KCNH8: variants seen among roughly 807,000 people sequenced by gnomAD.
The protein encoded by KCNH8 is voltage-gated delayed rectifier potassium channel KCNH8.
A neutral mutation model predicts 103.6 loss-of-function variants in KCNH8; 70 were observed. That is an observed-to-expected ratio of 0.68 (90% CI 0.56 to 0.82). The LOEUF (loss-of-function observed/expected upper bound fraction) is 0.82. Among genes scored for constraint, KCNH8 ranks in the 40% least tolerant of loss-of-function variants. The probability of loss-of-function intolerance (pLI) is 0.00; values close to 1 mark genes in which losing one functional copy is unlikely to be tolerated. For synonymous variants in KCNH8, 498 were observed against 489.4 expected, an observed-to-expected ratio of 1.02 and a Z score of -0.23; for missense variants, 1,217 against 1,329.9, an observed-to-expected ratio of 0.92 and a Z score of 1.32.
At chr3:19,309,265 G>A (rs1244289745) in intron 3 of KCNH8, among the ~76,000 whole-genome samples, 1 of 151,882 alleles carries the variant, frequency 6.6e-6, no homozygotes, top group African/African-American at 2.4e-5. Context: ...AAGAAGAGAG[G>A]GATGTTCCCT....
chr3:19,499,984 C>A (rs2068538884), intron 11 of KCNH8, among the ~76,000 whole-genome samples: 1 of 152,102 alleles, frequency 6.6e-6, no homozygotes, highest in African/African-American at 2.4e-5. Context: ...AATTAAAAGA[C>A]ACAGACTGGC....
At chr3:19,226,401 G>GGCAT (rs1395816767) in intron 1 of KCNH8, among the ~76,000 whole-genome samples, 1 of 152,022 alleles carries the variant, frequency 6.6e-6, no homozygotes, top group Non-Finnish European at 1.5e-5. Context: ...ACATTACAAG[G>GGCAT]GCATGCTTGA....
intron 5 of KCNH8, among the ~76,000 whole-genome samples, chr3:19,378,835 G>T (rs1343319090): frequency 1.3e-5 from 2 of 152,100 alleles, no homozygotes; most frequent in African/African-American, 2.4e-5. Context: ...TAATATCAAC[G>T]TAAAAAATTC....
chr3:19,191,905 A>G (rs900117215), intron 1 of KCNH8, among the ~76,000 whole-genome samples: 5 of 151,528 alleles, frequency 3.3e-5, no homozygotes, highest in Admixed American at 6.6e-5. Context: ...ATCCTTTTGG[A>G]TATTCATGAT....
rs1330288487 is a variant in KCNH8 at position 19,438,381 on chromosome 3, T to G, written c.1375+20T>G. On this transcript the variant is annotated intron_variant, in intron 8 of 15. Coordinates refer to ENST00000328405, the MANE Select transcript of KCNH8 (RefSeq NM_144633.3). ...TTGGTGGTAAGAGAGCATCTTCTTT[T>G]ATACTAAGAAGAGGAACTATGCCTA... 3.1e-6 allele frequency: 5 copies of G among 1,589,706 alleles called. No homozygotes were observed. In the South Asian group the frequency reaches 3.3e-5, roughly 11 times the overall value.
chr3:19,494,919 T>G (rs1199213096), intron 11 of KCNH8, among the ~76,000 whole-genome samples: 1 of 152,196 alleles, frequency 6.6e-6, no homozygotes, highest in African/African-American at 2.4e-5. Flanking sequence ...TATTTCATTG[T>G]GGATTTGATT....
At chr3:19,241,048 G>A (rs2064134363) in intron 1 of KCNH8, among the ~76,000 whole-genome samples, 1 of 152,020 alleles carries the variant, frequency 6.6e-6, no homozygotes, top group South Asian at 2.1e-4. Flanking sequence ...AAGAAATTTA[G>A]GGTTTGAGAT....
At chr3:19,525,489 C>G (rs2069049362) in intron 15 of KCNH8, among the ~76,000 whole-genome samples, 1 of 151,776 alleles carries the variant, frequency 6.6e-6, no homozygotes, top group Non-Finnish European at 1.5e-5. Flanking sequence ...GATCCCTTAG[C>G]CAGACAGCAA....
In KCNH8 at chr3:19,513,319, G is replaced by C. The variant is rs778972223; in HGVS notation, c.2429G>C (p.Ser810Thr). ...TLNNAGPPDL[S>T]PRIVDGIEDG... Reference sequence around the variant, plus strand: ...AATAATGCTGGACCCCCAGACCTCAGTCCAAGGTAAGAGTTCATATCATAT... The same window carrying C: ...AATAATGCTGGACCCCCAGACCTCACTCCAAGGTAAGAGTTCATATCATAT... The change falls in exon 13 of 16, where the codon AGT becomes ACT. Residue 810 changes from serine (S) to threonine (T), a missense_variant. Ser to Thr is a moderately conservative substitution (Grantham distance 58). Around this residue, in one of 3 missense-constraint regions of KCNH8, gnomAD observed 558 missense variants for 495.8 expected, o/e 1.13. Coordinates refer to ENST00000328405, the MANE Select transcript of KCNH8 (RefSeq NM_144633.3). The C allele has an allele frequency of 1.7e-5, 27 of 1,591,626 alleles. No individual in the cohort carries two copies. The highest frequency in any genetic ancestry group is 2.3e-5 in the Non-Finnish European group (27 of 1,170,728).
At chr3:19,372,162 G>A (rs1468670999) in intron 5 of KCNH8, among the ~76,000 whole-genome samples, 1 of 152,162 alleles carries the variant, frequency 6.6e-6, no homozygotes, top group South Asian at 2.1e-4. Flanking sequence ...GTCATTGGTA[G>A]CTTGATGTGG....
At chr3:19,322,319 G>A (rs1156964223) in intron 3 of KCNH8, among the ~76,000 whole-genome samples, 2 of 152,092 alleles carry the variant, frequency 1.3e-5, no homozygotes, top group Non-Finnish European at 1.5e-5. Flanking sequence ...CTATTTTGGT[G>A]TATTTCGAGG....
chr3:19,280,935 T>G (rs939317975), intron 2 of KCNH8, among the ~76,000 whole-genome samples: 1 of 152,118 alleles, frequency 6.6e-6, no homozygotes, highest in African/African-American at 2.4e-5. Flanking sequence ...GTTTGAATAA[T>G]GTAAGCAGAA....
chr3:19,300,046 C>T (rs966073855), intron 3 of KCNH8, among the ~76,000 whole-genome samples: 6 of 151,776 alleles, frequency 4.0e-5, no homozygotes, highest in Non-Finnish European at 7.4e-5. Flanking sequence ...GTTAGGGGTT[C>T]GAGACCAGCC....
chr3:19,517,978 G>GT lies in KCNH8; in HGVS notation c.2543-19dup. On this transcript the variant is annotated intron_variant, in intron 14 of 15. Transcript: ENST00000328405. ...GGTTTATTCCTAAAGGACTCATTCT[G>GT]TATGTGTGTCACTTTTCAGATCCAG... The GT allele has an allele frequency of 1.2e-6, 2 of 1,601,630 alleles. No individual in the cohort carries two copies. The highest frequency in any genetic ancestry group is 8.6e-7 in the Non-Finnish European group (1 of 1,169,558).
intron 11 of KCNH8, among the ~76,000 whole-genome samples, chr3:19,482,339 G>A (rs1290619192): frequency 6.6e-6 from 1 of 152,250 alleles, no homozygotes; most frequent in South Asian, 2.1e-4. Context: ...TTCTTTGGAG[G>A]CAGAAATTGG....
intron 9 of KCNH8, chr3:19,450,747 A>T (rs946488166): frequency 1.1e-5 from 3 of 266,936 alleles, no homozygotes; most frequent in African/African-American, 6.8e-5. Flanking sequence ...TAAATCAACG[A>T]ACCATTTCAT....
chr3:19,499,223 G>A (rs1052023940), intron 11 of KCNH8, among the ~76,000 whole-genome samples: 3 of 152,146 alleles, frequency 2.0e-5, no homozygotes, highest in Non-Finnish European at 2.9e-5. Flanking sequence ...AATGAAGCGA[G>A]AAGGGAAGTT....
At chr3:19,328,885 G>C (rs771614783) in intron 3 of KCNH8, among the ~76,000 whole-genome samples, 4 of 152,036 alleles carry the variant, frequency 2.6e-5, no homozygotes, top group African/African-American at 9.7e-5. Flanking sequence ...CTTTTGGTGG[G>C]TGTTGCTGGA....
intron 1 of KCNH8, among the ~76,000 whole-genome samples, chr3:19,159,139 G>A (rs1291539256): frequency 1.3e-5 from 2 of 151,190 alleles, no homozygotes; most frequent in Admixed American, 6.6e-5. Context: ...ATTATCTATC[G>A]AGACTATTCT....
Sources: allele counts gnomAD v4.1 joint callset (sites outside exome capture counted in the v4.1 genomes callset), GRCh38; gene constraint gnomAD v4.1.1; regional missense constraint gnomAD v4.1.1; transcripts MANE v1.5; gene names NCBI Gene and HGNC (gene_info 2026-07-23, HGNC 2026-07-21).